The following CHCHD3 variants were observed in gnomAD, a reference collection of about 807,000 sequenced individuals.
CHCHD3 encodes MICOS complex subunit MIC19.
Under a neutral mutation model 38.2 loss-of-function variants are expected in CHCHD3, and 20 were observed. That is an observed-to-expected ratio of 0.52 (90% CI 0.37 to 0.76). The LOEUF (loss-of-function observed/expected upper bound fraction) is 0.76. Ranked by LOEUF, CHCHD3 falls within the 30% of genes least tolerant of loss-of-function variation. The pLI, the probability that CHCHD3 is intolerant of heterozygous loss-of-function variation, is 0.00. For synonymous variants in CHCHD3, 82 were observed against 100.0 expected (o/e 0.82, Z 1.07); for missense variants, 245 against 279.2 (o/e 0.88, Z 0.87).
At chr7:132,844,410 T>G (rs994116360) in intron 5 of CHCHD3, among the ~76,000 whole-genome samples, 5 of 152,250 alleles carry the variant, frequency 3.3e-5, no homozygotes, top group Admixed American at 3.3e-4. Context: ...ATCACTTCTG[T>G]GCCTATAAGG....
At chr7:132,886,253 A>G (rs1328086931) in intron 4 of CHCHD3, among the ~76,000 whole-genome samples, 1 of 152,090 alleles carries the variant, frequency 6.6e-6, no homozygotes, top group Non-Finnish European at 1.5e-5. Context: ...AGTGGAAACA[A>G]AAACTACCAT....
chr7:132,888,911 T>C (rs1809289131), intron 4 of CHCHD3, among the ~76,000 whole-genome samples: 1 of 152,042 alleles, frequency 6.6e-6, no homozygotes, highest in Non-Finnish European at 1.5e-5. Context: ...TGAGTACTTG[T>C]TTATATGGAC....
chr7:132,856,267 T>C (rs1048354450), intron 5 of CHCHD3, among the ~76,000 whole-genome samples: 13 of 152,338 alleles, frequency 8.5e-5, no homozygotes, highest in African/African-American at 3.1e-4. Flanking sequence ...ATATGCGTTC[T>C]GTTAGTTCCC....
chr7:132,820,193 C>G (rs532657219), intron 6 of CHCHD3, among the ~76,000 whole-genome samples: 6 of 152,270 alleles, frequency 3.9e-5, no homozygotes, highest in African/African-American at 1.4e-4. Context: ...TCGTAACACT[C>G]AACCAAACAC....
chr7:133,012,397 T>C (rs1289301025), intron 3 of CHCHD3, among the ~76,000 whole-genome samples: 1 of 152,206 alleles, frequency 6.6e-6, no homozygotes, highest in East Asian at 1.9e-4. Flanking sequence ...ATTTGTGAAA[T>C]TCTTTTCAAT....
chr7:132,963,442 T>C (rs373326679), intron 4 of CHCHD3, among the ~76,000 whole-genome samples: 7 of 145,826 alleles, frequency 4.8e-5, no homozygotes, highest in South Asian at 4.4e-4. Context: ...CCATCCTGGC[T>C]AACACGGTGA....
intron 4 of CHCHD3, among the ~76,000 whole-genome samples, chr7:132,897,896 G>T (rs1034063486): frequency 6.6e-6 from 1 of 152,190 alleles, no homozygotes; most frequent in South Asian, 2.1e-4. Flanking sequence ...GAGTGTTACA[G>T]TTCTTAAAGG....
chr7:132,915,991 T>C (rs1001344536), intron 4 of CHCHD3, among the ~76,000 whole-genome samples: 1 of 151,732 alleles, frequency 6.6e-6, no homozygotes, highest in Non-Finnish European at 1.5e-5. Flanking sequence ...ATGAGCATTG[T>C]TCTGGGATCA....
At chr7:132,874,068 A>G (rs1808834825) in intron 5 of CHCHD3, among the ~76,000 whole-genome samples, 2 of 152,176 alleles carry the variant, frequency 1.3e-5, no homozygotes, top group Non-Finnish European at 2.9e-5. Flanking sequence ...GACCCGCTGA[A>G]AATGCCTTCA....
At chr7:132,798,446 G>C (rs1049277822) in intron 6 of CHCHD3, among the ~76,000 whole-genome samples, 1 of 151,996 alleles carries the variant, frequency 6.6e-6, no homozygotes, top group African/African-American at 2.4e-5. Context: ...AAGAGTATAG[G>C]CACAGATACC....
At chr7:132,836,043 T>C (rs1304219057) in intron 6 of CHCHD3, among the ~76,000 whole-genome samples, 1 of 152,116 alleles carries the variant, frequency 6.6e-6, no homozygotes, top group Non-Finnish European at 1.5e-5. Flanking sequence ...CTTTCTGTTA[T>C]TTAAGCCACC....
intron 7 of CHCHD3, among the ~76,000 whole-genome samples, chr7:132,791,995 T>C (rs1355812150): frequency 1.3e-5 from 2 of 152,190 alleles, no homozygotes; most frequent in African/African-American, 4.8e-5. Flanking sequence ...ACTGTTTGCG[T>C]GGCTACTGTC....
At chr7:132,898,576 G>A (rs1809571213) in intron 4 of CHCHD3, among the ~76,000 whole-genome samples, 1 of 152,268 alleles carries the variant, frequency 6.6e-6, no homozygotes, top group African/African-American at 2.4e-5. Flanking sequence ...TGCAGGTGGA[G>A]TTGCCTGCCA....
At chr7:132,928,801 C>T (rs1399075874) in intron 4 of CHCHD3, among the ~76,000 whole-genome samples, 1 of 152,080 alleles carries the variant, frequency 6.6e-6, no homozygotes, top group East Asian at 1.9e-4. Flanking sequence ...AGGAGGAATC[C>T]TCCCTCCCTT....
At chr7:132,902,462 T>G (rs1170542464) in intron 4 of CHCHD3, among the ~76,000 whole-genome samples, 2 of 152,176 alleles carry the variant, frequency 1.3e-5, no homozygotes, top group Non-Finnish European at 2.9e-5. Context: ...ATGTGGCATA[T>G]ATACACCATG....
intron 7 of CHCHD3, among the ~76,000 whole-genome samples, chr7:132,791,899 A>G (rs1806469829): frequency 6.6e-6 from 1 of 152,060 alleles, no homozygotes; most frequent in African/African-American, 2.4e-5. Flanking sequence ...TTCCTTTCTG[A>G]TCTCTCCAAA....
chr7:132,915,706 ATTTCT>A (rs1487149912), intron 4 of CHCHD3, among the ~76,000 whole-genome samples: 2 of 152,124 alleles, frequency 1.3e-5, no homozygotes, highest in Non-Finnish European at 1.5e-5. Context: ...TTGTGCTCTG[ATTTCT>A]TTTCTTCTCA....
chr7:132,818,688 A>T (rs1383342290), intron 6 of CHCHD3, among the ~76,000 whole-genome samples: 1 of 152,230 alleles, frequency 6.6e-6, no homozygotes, highest in Admixed American at 6.5e-5. Flanking sequence ...AAGCAAAAAA[A>T]ACAGTCCTTA....
intron 5 of CHCHD3, among the ~76,000 whole-genome samples, chr7:132,850,838 A>T (rs1320960775): frequency 6.6e-6 from 1 of 152,164 alleles, no homozygotes; most frequent in Non-Finnish European, 1.5e-5. Flanking sequence ...CTATGTGGAA[A>T]TTTTTTATTT....
Sources: gnomAD v4.1 joint callset for allele counts (sites outside exome capture counted in the v4.1 genomes callset) on GRCh38, gnomAD v4.1.1 for gene constraint, MANE v1.5 for transcripts, NCBI Gene and HGNC (gene_info 2026-07-23, HGNC 2026-07-21) for gene names.